SYCP1: variants seen among roughly 807,000 people sequenced by gnomAD.
The protein encoded by SYCP1 is synaptonemal complex protein 1, also known as cancer/testis antigen 8.
Under a neutral mutation model 153.1 loss-of-function variants are expected in SYCP1, and 64 were observed. The ratio of observed to expected loss-of-function variants is 0.42; its 90% CI spans 0.34 to 0.51. SYCP1 has a LOEUF of 0.51. Ranked by LOEUF, SYCP1 falls within the 20% of genes least tolerant of loss-of-function variation. The pLI is 0.06. For synonymous variants in SYCP1, 384 were observed against 341.8 expected (o/e 1.12, Z -1.36); for missense variants, 997 against 1,049.0 (o/e 0.95, Z 0.68).
intron 27 of SYCP1, among the ~76,000 whole-genome samples, chr1:114,959,775 T>G (rs1671665885): frequency 6.6e-6 from 1 of 151,982 alleles, no homozygotes; most frequent in Admixed American, 6.6e-5. Context: ...ATCCTTCTAT[T>G]CTCTATCTCC....
intron 28 of SYCP1, among the ~76,000 whole-genome samples, chr1:114,980,612 G>C (rs1673088301): frequency 6.6e-6 from 1 of 151,858 alleles, no homozygotes; most frequent in African/African-American, 2.4e-5. Context: ...GTATGAAAGA[G>C]AACGAATGAA....
intron 16 of SYCP1, among the ~76,000 whole-genome samples, chr1:114,905,955 C>G (rs1297705657): frequency 6.6e-6 from 1 of 151,756 alleles, no homozygotes; most frequent in Admixed American, 6.6e-5. Context: ...GTTGTTGTGT[C>G]ATTTCTCTTT....
At chr1:114,978,578 T>C (rs1672945251) in intron 28 of SYCP1, among the ~76,000 whole-genome samples, 1 of 151,684 alleles carries the variant, frequency 6.6e-6, no homozygotes, top group Non-Finnish European at 1.5e-5. Context: ...AAATTTTTGG[T>C]TAAAATGATT....
At chr1:114,951,993 A>T (rs1238706833) in intron 27 of SYCP1, among the ~76,000 whole-genome samples, 1 of 151,586 alleles carries the variant, frequency 6.6e-6, no homozygotes, top group Non-Finnish European at 1.5e-5. Flanking sequence ...AAATGTAAAT[A>T]CTTTTTTTTA....
chr1:114,960,665 T>C (rs998348306), intron 27 of SYCP1, among the ~76,000 whole-genome samples: 3 of 152,224 alleles, frequency 2.0e-5, no homozygotes, highest in African/African-American at 2.4e-5. Flanking sequence ...ATCAGTAATG[T>C]TGAGTACGTT....
At chr1:114,989,620 A>G (rs942789083) in intron 30 of SYCP1, among the ~76,000 whole-genome samples, 5 of 151,940 alleles carry the variant, frequency 3.3e-5, no homozygotes, top group Non-Finnish European at 2.9e-5. Context: ...CAAGACACTC[A>G]TTTTAGATCC....
intron 8 of SYCP1, among the ~76,000 whole-genome samples, chr1:114,861,873 C>T (rs1664401306): frequency 7.2e-6 from 1 of 138,180 alleles, no homozygotes; most frequent in Non-Finnish European, 1.6e-5. Flanking sequence ...GATCTCGGCT[C>T]TCTGCAACCG....
intron 30 of SYCP1, among the ~76,000 whole-genome samples, chr1:114,993,163 T>C (rs887714682): frequency 6.6e-6 from 1 of 151,612 alleles, no homozygotes; most frequent in Admixed American, 6.6e-5. Flanking sequence ...ATTGTAATGA[T>C]AGTTTAAACC....
intron 28 of SYCP1, among the ~76,000 whole-genome samples, chr1:114,980,616 G>T (rs553493028): frequency 3.9e-4 from 59 of 151,956 alleles, no homozygotes; most frequent in African/African-American, 1.3e-3. Flanking sequence ...GAAAGAGAAC[G>T]AATGAAAGTT....
At chr1:114,907,696 C>T (rs1409365713) in intron 16 of SYCP1, among the ~76,000 whole-genome samples, 2 of 151,918 alleles carry the variant, frequency 1.3e-5, no homozygotes, top group African/African-American at 4.8e-5. Flanking sequence ...GTTCTCCTGC[C>T]TCAGCCTCCC....
chr1:114,944,111 G>A lies in SYCP1; in HGVS notation c.1927-228G>A, dbSNP rs1015610320. On this transcript the variant is annotated intron_variant, in intron 23 of 31. Transcript: ENST00000369522. ...ATTCATTAAAAATAAATGCATGGGT[G>A]TTTATTTTATATTACTTGTCAAGAA... 2.6e-5 allele frequency among the ~76,000 whole-genome samples: 4 copies of A among 151,696 alleles called. No homozygotes were observed. The South Asian group carries it at 6.2e-4, about 24-fold the overall frequency.
chr1:114,872,862 C>A (rs360631), intron 8 of SYCP1, among the ~76,000 whole-genome samples: 61,077 of 151,816 alleles, frequency 0.4, 13,169 homozygotes, highest in East Asian at 0.5. Flanking sequence ...TCTATGTTGT[C>A]TAGGCTGGTC....
intron 27 of SYCP1, among the ~76,000 whole-genome samples, chr1:114,960,772 A>T (rs1043034635): frequency 6.6e-6 from 1 of 151,720 alleles, no homozygotes; most frequent in Non-Finnish European, 1.5e-5. Context: ...TTTGTTGAGG[A>T]TTTGTGCATC....
intron 30 of SYCP1, among the ~76,000 whole-genome samples, chr1:114,990,847 C>T (rs1449492075): frequency 6.6e-6 from 1 of 151,876 alleles, no homozygotes; most frequent in Non-Finnish European, 1.5e-5. Context: ...GACCAGTTGG[C>T]TTCATTGATA....
chr1:114,879,932 T>C (rs1302684555), intron 12 of SYCP1, among the ~76,000 whole-genome samples: 1 of 152,196 alleles, frequency 6.6e-6, no homozygotes, highest in Non-Finnish European at 1.5e-5. Context: ...TTTTGAAGTT[T>C]CCATTTGATT....
intron 12 of SYCP1, among the ~76,000 whole-genome samples, chr1:114,882,528 T>C (rs1266500034): frequency 1.3e-5 from 2 of 152,190 alleles, no homozygotes; most frequent in African/African-American, 4.8e-5. Context: ...TCTTTAAATA[T>C]ACAAACCATA....
At chr1:114,939,158 A>C (rs1187611886) in intron 23 of SYCP1, among the ~76,000 whole-genome samples, 1 of 152,220 alleles carries the variant, frequency 6.6e-6, no homozygotes, top group African/African-American at 2.4e-5. Flanking sequence ...GAAGCAACCC[A>C]TGTGTCCATT....
At chr1:114,874,296 G>C (rs868170908) in intron 8 of SYCP1, among the ~76,000 whole-genome samples, 1 of 152,084 alleles carries the variant, frequency 6.6e-6, no homozygotes, top group Non-Finnish European at 1.5e-5. Flanking sequence ...CGTTAGGATG[G>C]AGCAGTGACT....
chr1:114,988,422 A>G (rs894950280), intron 30 of SYCP1, among the ~76,000 whole-genome samples: 1 of 151,972 alleles, frequency 6.6e-6, no homozygotes, highest in African/African-American at 2.4e-5. Context: ...GAGAGATGCA[A>G]CTCATTACAT....
Sources: allele counts gnomAD v4.1 joint callset (sites outside exome capture counted in the v4.1 genomes callset), GRCh38; gene constraint gnomAD v4.1.1; transcripts MANE v1.5; gene names NCBI Gene and HGNC (gene_info 2026-07-23, HGNC 2026-07-21).